Variants in MAP3K20 observed in about 807,000 individuals in gnomAD.
MAP3K20 encodes mitogen-activated protein kinase kinase kinase 20.
A neutral mutation model predicts 85.7 loss-of-function variants in MAP3K20; 40 were observed. The ratio of observed to expected loss-of-function variants is 0.47; its 90% CI spans 0.36 to 0.61. The LOEUF is 0.61. Among genes scored for constraint, MAP3K20 ranks in the 20% least tolerant of loss-of-function variants. The pLI is 0.00. For missense variants in MAP3K20, 817 were observed against 961.7 expected (o/e 0.85, Z 1.99); for synonymous variants, 325 against 327.7 (o/e 0.99, Z 0.09).
Position 173,191,117 on chromosome 2 carries a change from T to C in MAP3K20, c.522T>C (p.Ala174=). 6.2e-7 allele frequency: 1 copy of C among 1,614,092 alleles called. No individual in the cohort carries two copies. Among genetic ancestry groups the C allele is most frequent in the South Asian group, 1.1e-5 (1 of 91,080 alleles). ...TGGTTGGAACTTTCCCATGGATGGC[T>C]CCAGAAGTTATCCAGAGTCTCCCTG... The part of the protein sequence containing the change: ...MSLVGTFPWM[A]PEVIQSLPVS... Residue 174 remains alanine, a synonymous_variant, in exon 7 of 20, where the codon GCT becomes GCC. Coordinates refer to ENST00000375213, the MANE Select transcript of MAP3K20 (RefSeq NM_016653.3).
At position 173,221,473 on chromosome 2, in the gene MAP3K20, C is replaced by CGATGATGAT. The variant is rs575630590; in HGVS notation, c.987+4232_987+4240dup. Reference sequence around the variant, plus strand: ...GTGATTTTGACTTGTCAGAAGGTGACGATGATGATGATGATGACGGTGAGG... The same window carrying CGATGATGAT: ...GTGATTTTGACTTGTCAGAAGGTGACGATGATGATGATGATGATGATGATGACGGTGAGG... On this transcript the variant is annotated intron_variant, in intron 11 of 19. Coordinates refer to ENST00000375213, the MANE Select transcript of MAP3K20 (RefSeq NM_016653.3). 11 of 1,608,964 alleles carry CGATGATGAT rather than the reference C, an allele frequency of 6.8e-6. No homozygotes were observed. The Admixed American group carries it at 8.4e-5, about 12-fold the overall frequency.
intron 2 of MAP3K20, among the ~76,000 whole-genome samples, chr2:173,145,242 G>A (rs1487917614): frequency 1.3e-5 from 2 of 151,106 alleles, no homozygotes; most frequent in African/African-American, 4.9e-5. Flanking sequence ...GCAAGACTCC[G>A]TCTCAAAAAA....
intron 2 of MAP3K20, among the ~76,000 whole-genome samples, chr2:173,162,817 C>G (rs10181133): frequency 0.2 from 29,757 of 152,064 alleles, 3,078 homozygotes; most frequent in African/African-American, 0.23. Context: ...AGAAGTGTAC[C>G]TTGTGTCAGT....
At chr2:173,079,821 C>T (rs979882221) in intron 1 of MAP3K20, among the ~76,000 whole-genome samples, 1 of 152,050 alleles carries the variant, frequency 6.6e-6, no homozygotes, top group African/African-American at 2.4e-5. Flanking sequence ...GAGCTGCCAT[C>T]TCCCCATCTC....
intron 2 of MAP3K20, among the ~76,000 whole-genome samples, chr2:173,145,831 A>G (rs1450681476): frequency 1.3e-5 from 2 of 152,212 alleles, no homozygotes; most frequent in East Asian, 1.9e-4. Context: ...GCTGTTTATA[A>G]TAGCCAACAA....
chr2:173,242,489 AAAG>A (rs1207672338), intron 16 of MAP3K20, among the ~76,000 whole-genome samples: 4 of 151,962 alleles, frequency 2.6e-5, no homozygotes, highest in African/African-American at 9.7e-5. Context: ...TTCAATTAAA[AAAG>A]AAATAATTTA....
chr2:173,217,376 G>T, intron 11 of MAP3K20, 126 bp downstream of exon 11: 1 of 1,157,170 alleles, frequency 8.6e-7, no homozygotes, highest in Non-Finnish European at 1.1e-6. Flanking sequence ...TCGCGCCCGT[G>T]TATTAAAGGG....
chr2:173,263,463 C>T (rs1685340956), intron 18 of MAP3K20, among the ~76,000 whole-genome samples: 1 of 152,124 alleles, frequency 6.6e-6, no homozygotes, highest in African/African-American at 2.4e-5. Context: ...TTTTTAGCTA[C>T]TATAGTTTAC....
chr2:173,183,877 A>G (rs1486818148), intron 4 of MAP3K20, among the ~76,000 whole-genome samples: 1 of 152,196 alleles, frequency 6.6e-6, no homozygotes, highest in Non-Finnish European at 1.5e-5. Context: ...GACTTCCAAA[A>G]GTAGCAGTCT....
intron 2 of MAP3K20, among the ~76,000 whole-genome samples, chr2:173,164,943 C>A (rs1483670574): frequency 6.6e-6 from 1 of 152,064 alleles, no homozygotes; most frequent in Non-Finnish European, 1.5e-5. Flanking sequence ...ACTAAAACTT[C>A]TGTAATTTTT....
At chr2:173,222,311 A>T (rs1003877897) in intron 11 of MAP3K20, 9 of 985,786 alleles carry the variant, frequency 9.1e-6, no homozygotes, top group Non-Finnish European at 1.2e-6. Context: ...CTAAGTGCTG[A>T]GAATTTTTAG....
At chr2:173,099,799 C>G (rs1367273174) in intron 2 of MAP3K20, among the ~76,000 whole-genome samples, 1 of 152,186 alleles carries the variant, frequency 6.6e-6, no homozygotes, top group Non-Finnish European at 1.5e-5. Flanking sequence ...AAATTGCCAC[C>G]TAAGTTTTCA....
intron 7 of MAP3K20, among the ~76,000 whole-genome samples, chr2:173,194,911 A>C (rs1690777635): frequency 6.6e-6 from 1 of 152,150 alleles, no homozygotes; most frequent in Non-Finnish European, 1.5e-5. Flanking sequence ...TTGCTTCTTA[A>C]CAAATGGCAA....
intron 3 of MAP3K20, among the ~76,000 whole-genome samples, chr2:173,175,189 A>G (rs1272520544): frequency 6.6e-6 from 1 of 152,170 alleles, no homozygotes; most frequent in Admixed American, 6.5e-5. Context: ...ATTTTTCCCC[A>G]AACAGTATTT....
intron 1 of MAP3K20, among the ~76,000 whole-genome samples, chr2:173,081,935 C>G (rs1687025523): frequency 6.6e-6 from 1 of 152,158 alleles, no homozygotes; most frequent in Non-Finnish European, 1.5e-5. Flanking sequence ...CACCGCATAT[C>G]CCATTGAACG....
Position 173,091,180 on chromosome 2 carries a change from T to C in MAP3K20, c.149T>C (p.Ile50Thr). 6.2e-7 allele frequency: 1 copy of C among 1,612,532 alleles called. No individual in the cohort carries two copies. Among genetic ancestry groups the C allele is most frequent in the Non-Finnish European group, 8.5e-7 (1 of 1,179,344 alleles). ...KEVAVKKLLK[I>T]EKEAEILSVL... ...GTGGCTGTAAAGAAGCTCCTCAAAA[T>C]AGAGAAAGAGGTAAGGTCTTTTCCA... The change falls in exon 2 of 20, where the codon ATA becomes ACA. Residue 50 changes from isoleucine (I) to threonine (T), a missense_variant. Transcript: ENST00000375213.
intron 11 of MAP3K20, among the ~76,000 whole-genome samples, chr2:173,218,824 C>G (rs1264011048): frequency 6.6e-6 from 1 of 152,130 alleles, no homozygotes; most frequent in South Asian, 2.1e-4. Flanking sequence ...CATTATTGCT[C>G]TTAGTAACAT....
intron 3 of MAP3K20, among the ~76,000 whole-genome samples, chr2:173,179,704 G>GTGCGCA (rs1553575983): frequency 6.8e-6 from 1 of 146,080 alleles, no homozygotes. Context: ...TAAGGAATGC[G>GTGCGCA]CACACACACA....
intron 7 of MAP3K20, among the ~76,000 whole-genome samples, chr2:173,192,701 T>C (rs1456728828): frequency 6.6e-6 from 1 of 152,136 alleles, no homozygotes; most frequent in Non-Finnish European, 1.5e-5. Flanking sequence ...ATTCTGAAAA[T>C]GGGGTATTTG....
Sources: gnomAD v4.1 joint callset for allele counts (sites outside exome capture counted in the v4.1 genomes callset) on GRCh38, gnomAD v4.1.1 for gene constraint, MANE v1.5 for transcripts, NCBI Gene and HGNC (gene_info 2026-07-23, HGNC 2026-07-21) for gene names.